DNAH3: variants seen among roughly 807,000 people sequenced by gnomAD.
DNAH3 encodes axonemal beta dynein heavy chain 3.
DNAH3 carries 332 observed loss-of-function variants against 432.5 expected under a neutral mutation model. That is an observed-to-expected ratio of 0.77 (90% CI 0.70 to 0.84). The LOEUF (loss-of-function observed/expected upper bound fraction) is 0.84, where lower values mean the gene tolerates loss of function less well. Ranked by LOEUF, DNAH3 falls within the 40% of genes least tolerant of loss-of-function variation. The probability of loss-of-function intolerance (pLI) is 0.00; values close to 1 mark genes in which losing one functional copy is unlikely to be tolerated. For missense variants in DNAH3, 4,861 were observed against 5,114.0 expected, an observed-to-expected ratio of 0.95 and a Z score of 1.51; for synonymous variants, 1,956 against 1,900.2, an observed-to-expected ratio of 1.03 and a Z score of -0.76.
At chr16:21,051,603 C>T in intron 29 of DNAH3, 67 bp downstream of exon 29, 1 of 1,519,194 alleles carries the variant, frequency 6.6e-7, no homozygotes, top group East Asian at 2.3e-5. Flanking sequence ...CCTAACTTTC[C>T]TCCCCAGAGT....
At chr16:21,125,355 G>A (rs761459422) in exon 9 of DNAH3, 29 of 1,605,038 alleles carry the variant, frequency 1.8e-5, no homozygotes, top group Middle Eastern at 1.8e-4. Flanking sequence ...AAAGCTGGGC[G>A]CAGGTGGGGA....
At position 21,146,062 on chromosome 16, in the gene DNAH3, GT is replaced by G. The variant is rs749359499; in HGVS notation, c.143del (p.His48ProfsTer2). 5.0e-6 allele frequency: 8 copies of G among 1,613,464 alleles called. No individual in the cohort carries two copies. The African/African-American group carries it at 1.1e-4, about 22-fold the overall frequency. On this transcript the variant is annotated frameshift_variant, in exon 2 of 62. Transcript: ENST00000261383. LOFTEE classifies it high-confidence loss of function. ...CTGGCTGCCCCTGGGAGTGGCTCAT[GT>G]GATGTATGGAGTCACTTTTGGCGAT...
chr16:20,987,968 C>T (rs746908153), exon 45 of DNAH3: 2 of 1,614,184 alleles, frequency 1.2e-6, no homozygotes, highest in South Asian at 2.2e-5. Flanking sequence ...CAAACCCTTT[C>T]CCGAAGTGCC....
In DNAH3 at chr16:21,145,949, C is replaced by T. The variant is rs778474083; in HGVS notation, c.222+35G>A. 3 of 1,382,796 alleles carry T rather than the reference C, an allele frequency of 2.2e-6. No individual in the cohort carries two copies. The Admixed American group carries it at 5.0e-5, about 23-fold the overall frequency. 85.7% of individuals were successfully genotyped at this position (1,382,796 alleles called of 1,614,324 possible). A position where few individuals can be genotyped will look rare whatever the true frequency, so the allele number is the denominator to read the frequency against. On this transcript the variant is annotated intron_variant, in intron 2 of 61. Coordinates refer to ENST00000261383, the Ensembl canonical transcript of DNAH3. ...TGGGGGATGCACTTCACCTCCTCAC[C>T]CTCAACAGAAGAGCTGGCAGCCAGG...
At chr16:21,007,145 T>C (rs900678446) in intron 41 of DNAH3, among the ~76,000 whole-genome samples, 5 of 152,146 alleles carry the variant, frequency 3.3e-5, no homozygotes, top group Non-Finnish European at 7.4e-5. Flanking sequence ...GTGGTTTTAA[T>C]TTGCATTTCC....
intron 41 of DNAH3, among the ~76,000 whole-genome samples, chr16:21,011,969 G>A (rs2087624306): frequency 6.6e-6 from 1 of 151,992 alleles, no homozygotes; most frequent in Non-Finnish European, 1.5e-5. Context: ...TTATAATTGA[G>A]GGAACTGAGG....
intron 38 of DNAH3, among the ~76,000 whole-genome samples, chr16:21,026,120 TCTC>T (rs1285961003): frequency 5.3e-5 from 8 of 152,074 alleles, no homozygotes; most frequent in Non-Finnish European, 1.2e-4. Context: ...TTTGTACAGA[TCTC>T]CTGTTGCACA....
intron 7 of DNAH3, among the ~76,000 whole-genome samples, chr16:21,128,349 A>G (rs1416227785): frequency 6.6e-6 from 1 of 152,024 alleles, no homozygotes; most frequent in Non-Finnish European, 1.5e-5. Context: ...CAGGAGTTCA[A>G]GACCAGCCTG....
chr16:20,993,642 A>G (rs1597087204), intron 44 of DNAH3, among the ~76,000 whole-genome samples: 1 of 152,176 alleles, frequency 6.6e-6, no homozygotes, highest in South Asian at 2.1e-4. Context: ...TATTTCCCAT[A>G]TAAGTTGTGT....
At chr16:21,070,346 G>A (rs1052939144) in intron 22 of DNAH3, among the ~76,000 whole-genome samples, 1 of 151,852 alleles carries the variant, frequency 6.6e-6, no homozygotes, top group South Asian at 2.1e-4. Flanking sequence ...GCAATGGCGC[G>A]ATCTCGGCTC....
At chr16:21,018,449 G>C (rs2087974102) in intron 41 of DNAH3, among the ~76,000 whole-genome samples, 1 of 151,904 alleles carries the variant, frequency 6.6e-6, no homozygotes, top group Non-Finnish European at 1.5e-5. Flanking sequence ...TGTCTTACTT[G>C]GGTGGTAGAA....
At position 20,997,264 on chromosome 16, in the gene DNAH3, A is replaced by C; in HGVS notation, c.6601+19T>G. 1 of 1,610,812 alleles carries C rather than the reference A, an allele frequency of 6.2e-7. No homozygotes were observed. Among genetic ancestry groups the C allele is most frequent in the East Asian group, 2.2e-5 (1 of 44,836 alleles). On this transcript the variant is annotated intron_variant, in intron 44 of 61. Coordinates refer to ENST00000261383, the Ensembl canonical transcript of DNAH3. The stretch of plus-strand genomic sequence containing the variant: ...CTGGGGATGGAGGGAAAGAGGAATG[A>C]GCTCTTCCCTTCACATACCAGTAAT...
intron 44 of DNAH3, among the ~76,000 whole-genome samples, chr16:20,990,970 G>A (rs1163842730): frequency 1.3e-5 from 2 of 152,098 alleles, no homozygotes; most frequent in Admixed American, 6.5e-5. Context: ...ACAGTGAGCC[G>A]AGATTGTGCC....
chr16:21,043,684 C>T (rs1177313657), intron 31 of DNAH3, among the ~76,000 whole-genome samples: 1 of 21,150 alleles, frequency 4.7e-5, no homozygotes. Context: ...TAATTAGATC[C>T]CATTTGTCAA....
chr16:21,034,148 G>T, intron 35 of DNAH3, 63 bp from the exon 36 acceptor site: 1 of 1,110,010 alleles, frequency 9.0e-7, no homozygotes, highest in Non-Finnish European at 1.3e-6. Context: ...TTGTGAGTTA[G>T]TCAGAAGTCA....
chr16:21,008,004 C>G (rs1159336222), intron 41 of DNAH3, among the ~76,000 whole-genome samples: 2 of 152,180 alleles, frequency 1.3e-5, no homozygotes. Flanking sequence ...AATCAAGTCA[C>G]CATAAATGCA....
intron 25 of DNAH3, 39 bp from the exon 26 acceptor site, chr16:21,060,395 A>G: frequency 6.5e-7 from 1 of 1,540,760 alleles, no homozygotes; most frequent in Non-Finnish European, 9.0e-7. Context: ...GCAGTCAACC[A>G]AAGCCCAGAG....
chr16:21,081,534 GA>G (rs112745951), intron 20 of DNAH3, 101 bp downstream of exon 20: 166 of 884,306 alleles, frequency 1.9e-4, no homozygotes, highest in South Asian at 1.5e-4. Context: ...ACGCCACAAG[GA>G]AAAAAAAACA....
chr16:20,959,085 A>AG (rs1158627685), intron 54 of DNAH3, 94 bp downstream of exon 54: 1 of 1,325,188 alleles, frequency 7.5e-7, no homozygotes, highest in Non-Finnish European at 1.1e-6. Flanking sequence ...AAAGTTTCTA[A>AG]GGGGCAGGAC....
Sources: gnomAD v4.1 joint callset for allele counts (sites outside exome capture counted in the v4.1 genomes callset) on GRCh38, gnomAD v4.1.1 for gene constraint, MANE v1.5 for transcripts, NCBI Gene and HGNC (gene_info 2026-07-23, HGNC 2026-07-21) for gene names.